Variants in CNTNAP2 observed in about 807,000 individuals in gnomAD.
CNTNAP2 encodes contactin-associated protein-like 2.
In CNTNAP2, 98 loss-of-function variants were observed where a neutral mutation model predicts 155.2. The observed-to-expected ratio is 0.63, with a 90% CI of 0.54 to 0.75. The LOEUF (loss-of-function observed/expected upper bound fraction) is 0.75, where lower values mean the gene tolerates loss of function less well. Ranked by LOEUF, CNTNAP2 falls within the 30% of genes least tolerant of loss-of-function variation. The probability of loss-of-function intolerance (pLI) is 0.00; values close to 1 mark genes in which losing one functional copy is unlikely to be tolerated. For missense variants in CNTNAP2, 1,727 were observed against 1,688.1 expected, an observed-to-expected ratio of 1.02 and a Z score of -0.40; for synonymous variants, 651 against 631.2, an observed-to-expected ratio of 1.03 and a Z score of -0.47.
chr7:146,643,670 T>C (rs1398624275), intron 1 of CNTNAP2, among the ~76,000 whole-genome samples: 1 of 152,168 alleles, frequency 6.6e-6, no homozygotes, highest in Admixed American at 6.5e-5. Flanking sequence ...ATATGAACTT[T>C]AAAATAGTTT....
chr7:147,952,522 G>GGCACATTAAATTAAA (rs1800953884), intron 14 of CNTNAP2, among the ~76,000 whole-genome samples: 5 of 151,764 alleles, frequency 3.3e-5, no homozygotes, highest in Non-Finnish European at 7.4e-5. Context: ...ACATTAAATT[G>GGCACATTAAATTAAA]AACATATTTC....
At chr7:147,450,738 A>G (rs183132826) in intron 10 of CNTNAP2, among the ~76,000 whole-genome samples, 28 of 152,334 alleles carry the variant, frequency 1.8e-4, no homozygotes, top group African/African-American at 6.5e-4. Context: ...ATGCCAGTAA[A>G]TTAATAAGCC....
intron 14 of CNTNAP2, among the ~76,000 whole-genome samples, chr7:147,933,528 G>T (rs1485395490): frequency 6.7e-6 from 1 of 149,190 alleles, no homozygotes; most frequent in African/African-American, 2.5e-5. Flanking sequence ...TAGATAGATA[G>T]ATAGATAGAT....
At chr7:146,453,607 A>T (rs983965335) in intron 1 of CNTNAP2, among the ~76,000 whole-genome samples, 1 of 152,196 alleles carries the variant, frequency 6.6e-6, no homozygotes, top group Non-Finnish European at 1.5e-5. Flanking sequence ...CAATCAATCA[A>T]TACTGACCAA....
At chr7:146,843,596 CAAAAAA>C (rs10639255) in intron 3 of CNTNAP2, among the ~76,000 whole-genome samples, 40 of 126,564 alleles carry the variant, frequency 3.2e-4, no homozygotes, top group Middle Eastern at 0.01. Context: ...CTTACTAATA[CAAAAAA>C]AAAAAAAAAA....
intron 13 of CNTNAP2, among the ~76,000 whole-genome samples, chr7:147,812,486 A>C (rs1417536773): frequency 6.6e-6 from 1 of 151,566 alleles, no homozygotes; most frequent in Non-Finnish European, 1.5e-5. Context: ...GAAAAAAAAA[A>C]CTGTAATAAT....
chr7:146,905,792 G>C (rs992761664), intron 3 of CNTNAP2, among the ~76,000 whole-genome samples: 1 of 152,194 alleles, frequency 6.6e-6, no homozygotes, highest in Admixed American at 6.5e-5. Flanking sequence ...TACGAAGGAG[G>C]AGCCAAGATG....
At chr7:146,494,662 T>C (rs574926960) in intron 1 of CNTNAP2, among the ~76,000 whole-genome samples, 42 of 152,304 alleles carry the variant, frequency 2.8e-4, no homozygotes, top group Middle Eastern at 3.4e-3. Context: ...TTATACTGAC[T>C]GAAACACATG....
chr7:146,645,370 T>C (rs2129162363), intron 1 of CNTNAP2, among the ~76,000 whole-genome samples: 1 of 152,270 alleles, frequency 6.6e-6, no homozygotes, highest in East Asian at 1.9e-4. Context: ...AACTAGTAGA[T>C]TACATATAAT....
intron 1 of CNTNAP2, among the ~76,000 whole-genome samples, chr7:146,652,764 A>G (rs1055991559): frequency 6.6e-6 from 1 of 152,188 alleles, no homozygotes; most frequent in Admixed American, 6.5e-5. Context: ...ACAATAAAGT[A>G]AAGAGACTGG....
intron 1 of CNTNAP2, among the ~76,000 whole-genome samples, chr7:146,714,571 G>A (rs938051892): frequency 6.6e-5 from 10 of 152,132 alleles, no homozygotes; most frequent in African/African-American, 2.4e-4. Context: ...AATGCTTCAT[G>A]TACTACTGAT....
chr7:146,829,568 T>G (rs1447786433), intron 2 of CNTNAP2, among the ~76,000 whole-genome samples: 1 of 152,084 alleles, frequency 6.6e-6, no homozygotes, highest in Non-Finnish European at 1.5e-5. Context: ...GAAAAGTATT[T>G]TTTTTTTACT....
chr7:146,526,269 G>C (rs1797690539), intron 1 of CNTNAP2, among the ~76,000 whole-genome samples: 2 of 152,046 alleles, frequency 1.3e-5, no homozygotes, highest in Admixed American at 1.3e-4. Context: ...TGGTACATTA[G>C]GCCATTCTTG....
chr7:148,215,835 G>C (rs562507392), intron 18 of CNTNAP2, among the ~76,000 whole-genome samples: 2 of 152,138 alleles, frequency 1.3e-5, no homozygotes, highest in Admixed American at 1.3e-4. Flanking sequence ...ACCCCCAGGC[G>C]TCGGACTTCG....
At chr7:146,870,516 G>A (rs1389021681) in intron 3 of CNTNAP2, among the ~76,000 whole-genome samples, 1 of 152,014 alleles carries the variant, frequency 6.6e-6, no homozygotes, top group Non-Finnish European at 1.5e-5. Context: ...AATGAATTTA[G>A]ACAAGATACT....
In CNTNAP2 at chr7:148,392,204, G is replaced by C. The variant is rs531769030; in HGVS notation, c.3715+8316G>C. On this transcript the variant is annotated intron_variant, in intron 22 of 23. Coordinates refer to ENST00000361727, the MANE Select transcript of CNTNAP2 (RefSeq NM_014141.6). ...TTCTACTGCCTCGGCCTCCTGAGTA[G>C]CTGGGACTACAGGCACGCACCACCA... 7.9e-5 allele frequency among the ~76,000 whole-genome samples: 11 copies of C among 138,430 alleles called. No homozygotes were observed. In the South Asian group the frequency reaches 2.3e-3, roughly 29 times the overall value. The allele number at this position is 138,430 out of a possible 152,430, so 90.8% of individuals were successfully genotyped here.
rs558590067 is a variant in CNTNAP2 at position 146,423,785 on chromosome 7, A to G, written c.97+306812A>G. Among the ~76,000 whole-genome samples, 172 of 152,366 alleles carry G rather than the reference A, an allele frequency of 1.1e-3. 2 individuals are homozygous for G. The highest frequency in any genetic ancestry group is 6.2e-4 in the South Asian group (3 of 4,830). On this transcript the variant is annotated intron_variant, in intron 1 of 23. Coordinates refer to ENST00000361727, the MANE Select transcript of CNTNAP2 (RefSeq NM_014141.6). ...AAACAGTTATAGCAAACATTTCTAG[A>G]ATATATCAGAAGGTAGATCTTTTCT...
At chr7:148,315,901 T>C (rs1382661565) in intron 21 of CNTNAP2, among the ~76,000 whole-genome samples, 1 of 98,124 alleles carries the variant, frequency 1.0e-5, no homozygotes, top group African/African-American at 2.8e-5. Context: ...ATGTACAGCT[T>C]CTGAGAGTAA....
chr7:146,151,555 C>A (rs1046376839), intron 1 of CNTNAP2, among the ~76,000 whole-genome samples: 6 of 145,202 alleles, frequency 4.1e-5, no homozygotes, highest in Non-Finnish European at 7.5e-5. Context: ...TCTGTGTGTT[C>A]ATTGAAGCGT....
Sources: gnomAD v4.1 joint callset for allele counts (sites outside exome capture counted in the v4.1 genomes callset) on GRCh38, gnomAD v4.1.1 for gene constraint, MANE v1.5 for transcripts, NCBI Gene and HGNC (gene_info 2026-07-23, HGNC 2026-07-21) for gene names.